Variants in DIAPH3 observed in about 807,000 individuals in gnomAD.
The protein encoded by DIAPH3 is protein diaphanous homolog 3.
In DIAPH3, 117 loss-of-function variants were observed where a neutral mutation model predicts 144.3. The ratio of observed to expected loss-of-function variants is 0.81; its 90% CI spans 0.70 to 0.95. The LOEUF is 0.95. Among genes scored for constraint, DIAPH3 ranks in the 40% least tolerant of loss-of-function variants. The pLI, the probability that DIAPH3 is intolerant of heterozygous loss-of-function variation, is 0.00. For missense variants in DIAPH3, 1,421 were observed against 1,412.7 expected (o/e 1.01, Z -0.09); for synonymous variants, 519 against 488.9 (o/e 1.06, Z -0.81).
chr13:59,867,788 C>T (rs1446535557), intron 21 of DIAPH3, among the ~76,000 whole-genome samples: 1 of 151,912 alleles, frequency 6.6e-6, no homozygotes, highest in Admixed American at 6.6e-5. Flanking sequence ...ATGTTCCTTA[C>T]AAAAAAGGAC....
chr13:59,723,177 T>C (rs2035428190), intron 27 of DIAPH3, among the ~76,000 whole-genome samples: 1 of 152,192 alleles, frequency 6.6e-6, no homozygotes, highest in Admixed American at 6.5e-5. Flanking sequence ...CCAGGAGAGC[T>C]CAATGTTTAA....
chr13:60,005,765 G>A (rs951825015), intron 9 of DIAPH3, among the ~76,000 whole-genome samples: 2 of 152,148 alleles, frequency 1.3e-5, no homozygotes, highest in Non-Finnish European at 2.9e-5. Context: ...ACAGGCATGA[G>A]CCACCACAAC....
At chr13:59,739,016 T>A (rs991851625) in intron 27 of DIAPH3, among the ~76,000 whole-genome samples, 3 of 152,216 alleles carry the variant, frequency 2.0e-5, no homozygotes, top group Non-Finnish European at 2.9e-5. Context: ...TACAATTATA[T>A]GTATTAAGAA....
chr13:59,886,017 A>T (rs1188497247), intron 20 of DIAPH3, among the ~76,000 whole-genome samples: 2 of 152,178 alleles, frequency 1.3e-5, no homozygotes, highest in African/African-American at 4.8e-5. Flanking sequence ...ATACTTTCGT[A>T]TGAGTGTTTT....
chr13:59,781,460 T>C (rs1326796028), intron 25 of DIAPH3, among the ~76,000 whole-genome samples: 1 of 152,010 alleles, frequency 6.6e-6, no homozygotes, highest in East Asian at 1.9e-4. Flanking sequence ...AAACATGGCA[T>C]CCAGAAAAGG....
chr13:59,727,945 C>A (rs570303361), intron 27 of DIAPH3, among the ~76,000 whole-genome samples: 12 of 151,788 alleles, frequency 7.9e-5, no homozygotes, highest in African/African-American at 2.9e-4. Flanking sequence ...ACAACAACAA[C>A]AAAAAGTCAA....
intron 4 of DIAPH3, among the ~76,000 whole-genome samples, chr13:60,083,392 A>G (rs548410975): frequency 1.3e-5 from 2 of 152,142 alleles, no homozygotes; most frequent in South Asian, 4.1e-4. Context: ...ATCCCAATAA[A>G]TGAAAATGAA....
At chr13:59,703,802 T>A (rs1304855418) in intron 27 of DIAPH3, among the ~76,000 whole-genome samples, 4 of 152,150 alleles carry the variant, frequency 2.6e-5, no homozygotes, top group Non-Finnish European at 5.9e-5. Flanking sequence ...AGTGTTTTAT[T>A]GAAATCTGGA....
chr13:59,821,248 C>G (rs1426955150), intron 24 of DIAPH3, among the ~76,000 whole-genome samples: 1 of 151,976 alleles, frequency 6.6e-6, no homozygotes, highest in East Asian at 1.9e-4. Context: ...ACTATGAAAA[C>G]AAGACTAATT....
intron 4 of DIAPH3, among the ~76,000 whole-genome samples, chr13:60,062,718 C>A: frequency 6.6e-6 from 1 of 152,112 alleles, no homozygotes; most frequent in East Asian, 1.9e-4. Flanking sequence ...AAAAGTGAGT[C>A]ACGTGAACTT....
intron 17 of DIAPH3, among the ~76,000 whole-genome samples, chr13:59,954,319 C>T (rs944584094): frequency 7.9e-5 from 12 of 151,130 alleles, no homozygotes; most frequent in African/African-American, 2.9e-4. Flanking sequence ...TTATGCAAGG[C>T]ACTCATTTTT....
intron 1 of DIAPH3, among the ~76,000 whole-genome samples, chr13:60,136,633 A>C (rs1456299621): frequency 6.6e-6 from 1 of 152,172 alleles, no homozygotes; most frequent in Non-Finnish European, 1.5e-5. Context: ...AAAACTCATG[A>C]TTTTAAATTA....
chr13:59,825,146 C>A (rs1280029522), intron 24 of DIAPH3, among the ~76,000 whole-genome samples: 1 of 152,058 alleles, frequency 6.6e-6, no homozygotes, highest in African/African-American at 2.4e-5. Context: ...ATTAACTCGT[C>A]ATTTAGCATT....
chr13:59,800,241 G>A (rs2039835673), intron 25 of DIAPH3, among the ~76,000 whole-genome samples: 2 of 152,258 alleles, frequency 1.3e-5, no homozygotes, highest in South Asian at 2.1e-4. Context: ...TCTAAGAATG[G>A]TAAACACCAT....
At chr13:59,879,088 T>A in intron 21 of DIAPH3, 141 bp downstream of exon 21, 3 of 1,197,692 alleles carry the variant, frequency 2.5e-6, no homozygotes. Flanking sequence ...CTCAGTTCAC[T>A]CTGGGTTTGA....
intron 24 of DIAPH3, among the ~76,000 whole-genome samples, chr13:59,821,881 T>C (rs138141202): frequency 6.6e-6 from 1 of 152,208 alleles, no homozygotes. Context: ...GTGAAACTTA[T>C]GAAAATGGGA....
At chr13:59,948,868 G>A (rs1018258432) in intron 17 of DIAPH3, among the ~76,000 whole-genome samples, 3 of 149,572 alleles carry the variant, frequency 2.0e-5, no homozygotes, top group Admixed American at 2.0e-4. Flanking sequence ...AAGGAAGGAA[G>A]GAAGGAAGGA....
chr13:60,041,481 T>C (rs1050227976), intron 5 of DIAPH3, among the ~76,000 whole-genome samples: 2 of 152,222 alleles, frequency 1.3e-5, no homozygotes, highest in African/African-American at 2.4e-5. Context: ...TGTTGACTCA[T>C]CATACTCCTT....
At chr13:59,965,651 T>C (rs539025391) in intron 17 of DIAPH3, among the ~76,000 whole-genome samples, 2 of 152,288 alleles carry the variant, frequency 1.3e-5, no homozygotes, top group East Asian at 3.9e-4. Context: ...AATCTTTTTT[T>C]ATAACCTTGT....
Sources: gnomAD v4.1 joint callset for allele counts (sites outside exome capture counted in the v4.1 genomes callset) on GRCh38, gnomAD v4.1.1 for gene constraint, MANE v1.5 for transcripts, NCBI Gene and HGNC (gene_info 2026-07-23, HGNC 2026-07-21) for gene names.